PKNOX2: variants seen among roughly 807,000 people sequenced by gnomAD.
The protein encoded by PKNOX2 is homeobox protein PKNOX2.
PKNOX2 carries 14 observed loss-of-function variants against 53.1 expected under a neutral mutation model. That is an observed-to-expected ratio of 0.26 (90% CI 0.17 to 0.41). The LOEUF (loss-of-function observed/expected upper bound fraction) is 0.41, where lower values mean the gene tolerates loss of function less well. Ranked by LOEUF, PKNOX2 falls within the 10% of genes least tolerant of loss-of-function variation. The pLI is 1.00. For missense variants in PKNOX2, 496 were observed against 602.8 expected, an observed-to-expected ratio of 0.82 and a Z score of 1.85; for synonymous variants, 257 against 242.8, an observed-to-expected ratio of 1.06 and a Z score of -0.54.
Position 125,367,898 on chromosome 11 carries a change from C to A in PKNOX2, c.140C>A (p.Ala47Asp), listed in dbSNP as rs1295459678. The change falls in exon 5 of 13, where the codon GCC becomes GAC. Residue 47 changes from alanine (A) to aspartate (D), a missense_variant. Around this residue, in one of 5 missense-constraint regions of PKNOX2, gnomAD observed 168 missense variants for 178.4 expected, o/e 0.94. Transcript: ENST00000298282. Reference protein sequence around the residue: ...PSKAQAVHISAPSAAASTPVP... With the variant: ...PSKAQAVHISDPSAAASTPVP... The stretch of plus-strand genomic sequence containing the variant: ...AAGGCCCAGGCTGTCCACATCTCTG[C>A]CCCCTCAGCTGCTGCCAGCACACCT... 70 of 1,613,534 alleles carry A rather than the reference C, an allele frequency of 4.3e-5. 1 individual carries two copies. Among genetic ancestry groups the A allele is most frequent in the Non-Finnish European group, 5.8e-5 (69 of 1,179,904 alleles).
At chr11:125,420,684 G>T (rs1956126612) in intron 10 of PKNOX2, among the ~76,000 whole-genome samples, 1 of 152,164 alleles carries the variant, frequency 6.6e-6, no homozygotes. Context: ...TTGAGAATCT[G>T]ATGAAAGCTT....
intron 3 of PKNOX2, among the ~76,000 whole-genome samples, chr11:125,345,058 A>G (rs1029179785): frequency 6.6e-6 from 1 of 152,166 alleles, no homozygotes; most frequent in Non-Finnish European, 1.5e-5. Context: ...GCCTAGGATC[A>G]GAAAGACAGG....
At chr11:125,273,449 C>G (rs758131353) in intron 2 of PKNOX2, among the ~76,000 whole-genome samples, 1 of 152,186 alleles carries the variant, frequency 6.6e-6, no homozygotes, top group Non-Finnish European at 1.5e-5. Flanking sequence ...TGTCTTCTGT[C>G]CTGGAGATGC....
intron 1 of PKNOX2, among the ~76,000 whole-genome samples, chr11:125,170,839 G>T (rs562197894): frequency 7.0e-6 from 1 of 143,068 alleles, no homozygotes; most frequent in South Asian, 2.5e-4. Flanking sequence ...TGGCCCTGGG[G>T]CCCAGAGCAG....
chr11:125,296,457 C>T (rs1355791293), intron 2 of PKNOX2, among the ~76,000 whole-genome samples: 1 of 152,064 alleles, frequency 6.6e-6, no homozygotes, highest in African/African-American at 2.4e-5. Context: ...CCACATTGGT[C>T]GCCTCAGGTC....
intron 10 of PKNOX2, among the ~76,000 whole-genome samples, chr11:125,418,990 T>C (rs1956031060): frequency 6.6e-6 from 1 of 151,964 alleles, no homozygotes; most frequent in African/African-American, 2.4e-5. Context: ...TCCATGAATT[T>C]TGGTCCCCCA....
chr11:125,393,541 T>C (rs114735902), intron 6 of PKNOX2, among the ~76,000 whole-genome samples: 5,083 of 152,134 alleles, frequency 0.033, 223 homozygotes, highest in African/African-American at 0.096. Flanking sequence ...GGTCACCGTG[T>C]GGGGTTCATT....
At chr11:125,332,591 C>A (rs903609908) in intron 3 of PKNOX2, 2 of 152,048 alleles carry the variant, frequency 1.3e-5, no homozygotes, top group African/African-American at 4.8e-5. Flanking sequence ...TCCGGTTATC[C>A]GAAACAACCC....
At chr11:125,420,800 G>A (rs893007135) in intron 10 of PKNOX2, among the ~76,000 whole-genome samples, 3 of 152,098 alleles carry the variant, frequency 2.0e-5, no homozygotes, top group Non-Finnish European at 4.4e-5. Context: ...AGAACCCAGG[G>A]GCTTCTGAGA....
At position 125,241,057 on chromosome 11, in the gene PKNOX2, C is replaced by T. The variant is rs143784279; in HGVS notation, c.-130+5942C>T. On this transcript the variant is annotated intron_variant, in intron 2 of 12. Transcript: ENST00000298282. ...GCGGCCATGCCATCCCCATGCTGGA[C>T]CACCTCCAGTGGTTCTTTGCTATCC... is the stretch of plus-strand genomic sequence containing the variant. Among the ~76,000 whole-genome samples the T allele has an allele frequency of 4.8e-3, 729 of 152,292 alleles. 2 individuals are homozygous for T. The highest frequency in any genetic ancestry group is 0.017 in the African/African-American group (701 of 41,560).
intron 5 of PKNOX2, among the ~76,000 whole-genome samples, chr11:125,376,247 C>G (rs972026420): frequency 6.6e-6 from 1 of 152,218 alleles, no homozygotes; most frequent in Admixed American, 6.5e-5. Flanking sequence ...TCCAATTTAG[C>G]AACTCGAAGA....
At position 125,410,230 on chromosome 11, in the gene PKNOX2, G is replaced by T; in HGVS notation, c.623G>T (p.Gly208Val). Residue 208 changes from glycine to valine, a missense_variant, in exon 8 of 13, where the codon GGA becomes GTA. Gly to Val is a moderately radical substitution (Grantham distance 109). Transcript: ENST00000298282. ...CAGAATTCCCCCAATTCCATGTCCGGAGTCTCCAATAACCCCCAGGGGATT... is the reference window on the plus strand; with the variant it reads ...CAGAATTCCCCCAATTCCATGTCCGTAGTCTCCAATAACCCCCAGGGGATT... ...LLQNSPNSMS[G>V]VSNNPQGIVV... The T allele has an allele frequency of 6.2e-7, 1 of 1,614,056 alleles. No individual in the cohort carries two copies. Among genetic ancestry groups the T allele is most frequent in the Non-Finnish European group, 8.5e-7 (1 of 1,179,978 alleles).
At chr11:125,409,675 A>C (rs941329987) in intron 7 of PKNOX2, among the ~76,000 whole-genome samples, 1 of 152,130 alleles carries the variant, frequency 6.6e-6, no homozygotes, top group Non-Finnish European at 1.5e-5. Flanking sequence ...GGGACGGGAA[A>C]GCATCAGGAG....
At chr11:125,263,463 T>C (rs1945042643) in intron 2 of PKNOX2, among the ~76,000 whole-genome samples, 1 of 152,224 alleles carries the variant, frequency 6.6e-6, no homozygotes, top group Admixed American at 6.5e-5. Flanking sequence ...GTCCAGCTGC[T>C]GGCATCCCTG....
At chr11:125,309,588 A>G (rs923299045) in intron 2 of PKNOX2, among the ~76,000 whole-genome samples, 4 of 152,036 alleles carry the variant, frequency 2.6e-5, no homozygotes, top group Admixed American at 6.6e-5. Flanking sequence ...GGGTTTCACC[A>G]TGTTGGCCAG....
chr11:125,185,879 C>CTCCTCT (rs1956417677), intron 1 of PKNOX2, among the ~76,000 whole-genome samples: 1 of 152,088 alleles, frequency 6.6e-6, no homozygotes, highest in South Asian at 2.1e-4. Flanking sequence ...TTCTTTTGGA[C>CTCCTCT]ATATACCTAG....
At chr11:125,178,967 C>T (rs541100219) in intron 1 of PKNOX2, among the ~76,000 whole-genome samples, 5 of 152,182 alleles carry the variant, frequency 3.3e-5, no homozygotes, top group Non-Finnish European at 4.4e-5. Context: ...GTAAAGTGCA[C>T]GGTGTGGTGT....
At chr11:125,286,224 C>A (rs1946889884) in intron 2 of PKNOX2, among the ~76,000 whole-genome samples, 1 of 152,050 alleles carries the variant, frequency 6.6e-6, no homozygotes, top group Non-Finnish European at 1.5e-5. Flanking sequence ...TCACAGGTAG[C>A]CTAAAAACAG....
chr11:125,378,960 A>G (rs2135324009), intron 5 of PKNOX2, among the ~76,000 whole-genome samples: 1 of 150,268 alleles, frequency 6.7e-6, no homozygotes, highest in South Asian at 2.1e-4. Flanking sequence ...TCCCCTAAGA[A>G]GGAAGAAATG....
Sources: allele counts gnomAD v4.1 joint callset (sites outside exome capture counted in the v4.1 genomes callset), GRCh38; gene constraint gnomAD v4.1.1; regional missense constraint gnomAD v4.1.1; transcripts MANE v1.5; gene names NCBI Gene and HGNC (gene_info 2026-07-23, HGNC 2026-07-21).